Variants in HPSE2 observed in about 807,000 individuals in gnomAD.
The protein encoded by HPSE2 is inactive heparanase-2.
Under a neutral mutation model 60.5 loss-of-function variants are expected in HPSE2, and 38 were observed. That is an observed-to-expected ratio of 0.63 (90% CI 0.48 to 0.82). The LOEUF (loss-of-function observed/expected upper bound fraction) is 0.82, where lower values mean the gene tolerates loss of function less well. Among genes scored for constraint, HPSE2 ranks in the 40% least tolerant of loss-of-function variants. The pLI, the probability that HPSE2 is intolerant of heterozygous loss-of-function variation, is 0.00. For missense variants in HPSE2, 713 were observed against 740.4 expected (o/e 0.96, Z 0.43); for synonymous variants, 295 against 293.2 (o/e 1.01, Z -0.06).
chr10:98,611,300 C>G (rs952645382), intron 9 of HPSE2, among the ~76,000 whole-genome samples: 1 of 152,170 alleles, frequency 6.6e-6, no homozygotes, highest in Non-Finnish European at 1.5e-5. Context: ...TTCTCTCTTA[C>G]CTTAGATTGG....
the HPSE2 span, among the ~76,000 whole-genome samples, chr10:99,245,121 T>A: frequency 1.3e-5 from 2 of 152,168 alleles, no homozygotes; most frequent in South Asian, 4.1e-4. Flanking sequence ...CACAATAAAA[T>A]AGTATTTCCT....
chr10:99,184,819 T>TATATAGAG (rs1554912295), intron 2 of HPSE2, among the ~76,000 whole-genome samples: 8 of 19,860 alleles, frequency 4.0e-4, no homozygotes, highest in Non-Finnish European at 4.9e-4. Context: ...TATATATATA[T>TATATAGAG]AGAGAGAGAG....
At chr10:98,986,108 C>T (rs922927968) in intron 3 of HPSE2, among the ~76,000 whole-genome samples, 1 of 152,044 alleles carries the variant, frequency 6.6e-6, no homozygotes, top group Non-Finnish European at 1.5e-5. Flanking sequence ...ACAAGAATAT[C>T]CAGGAATTGA....
At chr10:98,603,442 T>TTTTTG (rs1554951352) in intron 9 of HPSE2, among the ~76,000 whole-genome samples, 2 of 150,594 alleles carry the variant, frequency 1.3e-5, no homozygotes, top group Non-Finnish European at 3.0e-5. Context: ...TTTTTTTGTT[T>TTTTTG]TTTTTTTTGA....
At position 99,184,628 on chromosome 10, in the gene HPSE2, T is replaced by C. The variant is rs190219077; in HGVS notation, c.449-40229A>G. 3.7e-3 allele frequency among the ~76,000 whole-genome samples: 495 copies of C among 132,058 alleles called. 4 individuals carry two copies. Among genetic ancestry groups the C allele is most frequent in the African/African-American group, 0.015 (475 of 32,278 alleles). 86.6% of individuals were successfully genotyped at this position (132,058 alleles called of 152,430 possible). On this transcript the variant is annotated intron_variant, in intron 2 of 11. Transcript: ENST00000370552. ...AAGGTAGAGGAAAACAGGAGAGTAA[T>C]AATGAGAACTATAAAATGTATAAAA...
intron 3 of HPSE2, among the ~76,000 whole-genome samples, chr10:98,837,596 C>G (rs939122817): frequency 6.6e-6 from 1 of 152,114 alleles, no homozygotes; most frequent in African/African-American, 2.4e-5. Context: ...AACCTCCGGC[C>G]GGGCGTGGTG....
At chr10:98,612,982 G>A (rs558761592) in intron 9 of HPSE2, among the ~76,000 whole-genome samples, 34 of 152,246 alleles carry the variant, frequency 2.2e-4, no homozygotes, top group African/African-American at 7.9e-4. Context: ...AACGTGCCAA[G>A]TTTGTTCCTG....
At chr10:98,596,570 T>A (rs1945244840) in intron 9 of HPSE2, among the ~76,000 whole-genome samples, 1 of 152,022 alleles carries the variant, frequency 6.6e-6, no homozygotes, top group African/African-American at 2.4e-5. Context: ...TCTGGGAAAG[T>A]CTATCTTTCA....
intron 3 of HPSE2, among the ~76,000 whole-genome samples, chr10:99,079,735 T>C (rs1395959492): frequency 6.6e-6 from 1 of 151,992 alleles, no homozygotes; most frequent in African/African-American, 2.4e-5. Context: ...CCAGGAAAAG[T>C]TTGGGAGCTG....
At chr10:99,009,263 A>C (rs1001264481) in intron 3 of HPSE2, among the ~76,000 whole-genome samples, 5 of 151,150 alleles carry the variant, frequency 3.3e-5, no homozygotes, top group African/African-American at 7.3e-5. Flanking sequence ...AAAAAAAAAA[A>C]AAAAACATTG....
chr10:98,832,238 T>G (rs895094956), intron 3 of HPSE2, among the ~76,000 whole-genome samples: 3 of 152,188 alleles, frequency 2.0e-5, no homozygotes, highest in African/African-American at 4.8e-5. Flanking sequence ...GTAAAGGACT[T>G]AGATAAAAGT....
intron 3 of HPSE2, among the ~76,000 whole-genome samples, chr10:99,117,747 C>T (rs1844768773): frequency 6.6e-6 from 1 of 151,918 alleles, no homozygotes; most frequent in Admixed American, 6.6e-5. Context: ...CCAAAAAAGC[C>T]CAGGAACAAA....
At chr10:98,999,156 C>CGTGTGTGTGTGT (rs55879808) in intron 3 of HPSE2, among the ~76,000 whole-genome samples, 232 of 137,676 alleles carry the variant, frequency 1.7e-3, no homozygotes, top group East Asian at 0.012. Flanking sequence ...GTATAGACTA[C>CGTGTGTGTGTGT]GTGTGTGTGT....
At chr10:98,981,933 C>T (rs912237954) in intron 3 of HPSE2, among the ~76,000 whole-genome samples, 12 of 152,218 alleles carry the variant, frequency 7.9e-5, no homozygotes, top group Middle Eastern at 3.4e-3. Flanking sequence ...CAATACCCTC[C>T]TTACTGGCCT....
At chr10:99,125,849 C>A (rs1273033122) in intron 3 of HPSE2, among the ~76,000 whole-genome samples, 1 of 152,170 alleles carries the variant, frequency 6.6e-6, no homozygotes, top group Non-Finnish European at 1.5e-5. Context: ...GAAGTCATCC[C>A]TAACTTATCT....
rs564646256 is a variant in HPSE2 at position 98,922,685 on chromosome 10, G to A, written c.611-178629C>T. Among the ~76,000 whole-genome samples the A allele has an allele frequency of 9.9e-5, 15 of 152,216 alleles. No individual in the cohort carries two copies. In the South Asian group the frequency reaches 2.9e-3, roughly 29 times the overall value. ...AGTACTCAGAATCCATAAATACATG[G>A]TATAATATACTTCAAGTATGGCCAG... On this transcript the variant is annotated intron_variant, in intron 3 of 11. Transcript: ENST00000370552.
At chr10:98,732,084 G>C (rs576891137) in intron 4 of HPSE2, among the ~76,000 whole-genome samples, 1 of 152,076 alleles carries the variant, frequency 6.6e-6, no homozygotes, top group South Asian at 2.1e-4. Flanking sequence ...TTTAACAAAA[G>C]AAGTACAAAA....
intron 2 of HPSE2, among the ~76,000 whole-genome samples, chr10:99,204,860 A>T (rs1240333469): frequency 6.6e-6 from 1 of 152,262 alleles, no homozygotes; most frequent in Non-Finnish European, 1.5e-5. Context: ...TATGTTATTT[A>T]CTGCAATAAA....
intron 3 of HPSE2, among the ~76,000 whole-genome samples, chr10:99,089,524 G>A (rs1843441170): frequency 6.6e-6 from 1 of 152,078 alleles, no homozygotes; most frequent in African/African-American, 2.4e-5. Context: ...CTGTTCCATT[G>A]GTCTATGTGC....
Sources: allele counts gnomAD v4.1 joint callset (sites outside exome capture counted in the v4.1 genomes callset), GRCh38; gene constraint gnomAD v4.1.1; transcripts MANE v1.5; gene names NCBI Gene and HGNC (gene_info 2026-07-23, HGNC 2026-07-21).